Variants in TMEM207 observed in about 807,000 individuals in gnomAD.
TMEM207 encodes transmembrane protein 207, also known as SRSR846.
A neutral mutation model predicts 17.4 loss-of-function variants in TMEM207; 15 were observed. The observed-to-expected ratio is 0.86, with a 90% CI of 0.58 to 1.33. The LOEUF (loss-of-function observed/expected upper bound fraction) is 1.33. TMEM207 is among the 40% of genes most tolerant of loss of function. TMEM207 has a pLI of 0.00. For missense variants in TMEM207, 205 were observed against 173.8 expected (o/e 1.18, Z -1.01); for synonymous variants, 70 against 65.6 (o/e 1.07, Z -0.33).
chr3:190,449,455 T>A (rs1720114724), intron 1 of TMEM207, among the ~76,000 whole-genome samples: 1 of 152,170 alleles, frequency 6.6e-6, no homozygotes, highest in African/African-American at 2.4e-5. Context: ...ATTTAAAAAA[T>A]TACAGCATAG....
chr3:190,443,695 TTGTAAACAGAAACTTTTTGAGTTCCTA>T lies in TMEM207; in HGVS notation c.114-2240_114-2214del, dbSNP rs1247420729. ...TTTCCATTTCTCTCTTAAATTCAAG[TTGTAAACAGAAACTTTTTGAGTTCCTA>T]AAAAAGTAAGAGTATTCTAATTACT... On this transcript the variant is annotated intron_variant, in intron 2 of 4. Transcript: ENST00000354905. Among the ~76,000 whole-genome samples the T allele has an allele frequency of 4.6e-5, 7 of 152,226 alleles. 1 individual carries two copies. Among genetic ancestry groups the T allele is most frequent in the Non-Finnish European group, 1.0e-4 (7 of 68,042 alleles).
intron 2 of TMEM207, among the ~76,000 whole-genome samples, chr3:190,446,281 G>A (rs558362674): frequency 3.3e-5 from 5 of 152,258 alleles, no homozygotes; most frequent in African/African-American, 1.2e-4. Flanking sequence ...TATAAATATA[G>A]TTAGAGAAAG....
chr3:190,433,104 A>G (rs965159277), intron 4 of TMEM207, among the ~76,000 whole-genome samples: 5 of 152,178 alleles, frequency 3.3e-5, no homozygotes, highest in African/African-American at 9.7e-5. Flanking sequence ...TGGACAAACA[A>G]TTGTGGGGGT....
chr3:190,429,412 C>A lies in TMEM207; in HGVS notation c.*183G>T. 1.5e-6 allele frequency: 1 copy of A among 663,364 alleles called. No homozygotes were observed. The allele number at this position is 663,364 out of a possible 1,614,324, so 41.1% of individuals were successfully genotyped here. ...GACACATCAAAAGCCTGCTACTTTACTATTTAAACATCTCCATGACCAAAA... is the reference window on the plus strand; with the variant it reads ...GACACATCAAAAGCCTGCTACTTTAATATTTAAACATCTCCATGACCAAAA... On this transcript the variant is annotated 3_prime_UTR_variant, in exon 5 of 5. Transcript: ENST00000354905.
At chr3:190,435,040 T>A (rs1288311324) in intron 4 of TMEM207, among the ~76,000 whole-genome samples, 3 of 152,218 alleles carry the variant, frequency 2.0e-5, no homozygotes, top group Non-Finnish European at 4.4e-5. Context: ...CTCTGCCTTC[T>A]TGACTTTCTT....
At position 190,429,007 on chromosome 3, in the gene TMEM207, C is replaced by A. The variant is rs1577440455; in HGVS notation, c.*588G>T. ...CTCCTTCACCTTCTATCTACAATTT[C>A]TTCCTCTTCAGGTTGGGGCATAAAA... On this transcript the variant is annotated 3_prime_UTR_variant, in exon 5 of 5. Coordinates refer to ENST00000354905, the MANE Select transcript of TMEM207 (RefSeq NM_207316.3). 6.6e-6 allele frequency: 1 copy of A among 150,590 alleles called. No homozygotes were observed. The highest frequency in any genetic ancestry group is 1.9e-4 in the East Asian group (1 of 5,168). The allele number at this position is 150,590 out of a possible 1,614,324, so 9.3% of individuals were successfully genotyped here.
intron 2 of TMEM207, among the ~76,000 whole-genome samples, chr3:190,443,715 A>T (rs141762336): frequency 6.9e-4 from 105 of 152,266 alleles, no homozygotes; most frequent in African/African-American, 2.4e-3. Context: ...AAACTTTTTG[A>T]GTTCCTAAAA....
chr3:190,437,764 C>T (rs1421734786), intron 4 of TMEM207, among the ~76,000 whole-genome samples: 1 of 151,916 alleles, frequency 6.6e-6, no homozygotes, highest in Non-Finnish European at 1.5e-5. Flanking sequence ...ACCCAAAGGA[C>T]TATAAATCAT....
At chr3:190,435,134 G>A (rs371805835) in intron 4 of TMEM207, among the ~76,000 whole-genome samples, 3 of 152,024 alleles carry the variant, frequency 2.0e-5, no homozygotes, top group Non-Finnish European at 4.4e-5. Flanking sequence ...TAGTTTACTA[G>A]GGCTGTCATA....
At chr3:190,439,125 G>C (rs373225719) in intron 4 of TMEM207, among the ~76,000 whole-genome samples, 49 of 145,308 alleles carry the variant, frequency 3.4e-4, no homozygotes, top group Admixed American at 2.0e-3. Flanking sequence ...TGCAGTGAGC[G>C]GAGATCGCGC....
chr3:190,443,582 G>A (rs147944868), intron 2 of TMEM207, among the ~76,000 whole-genome samples: 24 of 152,188 alleles, frequency 1.6e-4, no homozygotes, highest in African/African-American at 5.8e-4. Context: ...AAGGTGGAGA[G>A]AGGAAGAGGG....
intron 4 of TMEM207, among the ~76,000 whole-genome samples, chr3:190,430,235 C>T (rs1025930285): frequency 1.3e-5 from 2 of 151,830 alleles, no homozygotes; most frequent in African/African-American, 4.8e-5. Flanking sequence ...TTAAAGTATA[C>T]ACACACAATA....
At chr3:190,444,249 A>T (rs1231208266) in intron 2 of TMEM207, among the ~76,000 whole-genome samples, 1 of 152,200 alleles carries the variant, frequency 6.6e-6, no homozygotes, top group African/African-American at 2.4e-5. Context: ...TCATACTATT[A>T]TAATTCTCCT....
chr3:190,440,598 C>A (rs1042301757), intron 3 of TMEM207, among the ~76,000 whole-genome samples: 11 of 152,238 alleles, frequency 7.2e-5, no homozygotes, highest in African/African-American at 2.6e-4. Context: ...GTTGATCTTT[C>A]CAGGTGGTAA....
At position 190,437,731 on chromosome 3, in the gene TMEM207, A is replaced by G. The variant is rs892884242; in HGVS notation, c.304+2513T>C. Among the ~76,000 whole-genome samples, 3 of 152,130 alleles carry G rather than the reference A, an allele frequency of 2.0e-5. No individual in the cohort carries two copies. In the South Asian group the frequency reaches 6.2e-4, roughly 32 times the overall value. On this transcript the variant is annotated intron_variant, in intron 4 of 4. Transcript: ENST00000354905. The stretch of plus-strand genomic sequence containing the variant: ...TAGAACTAGAAATACCATTTGACCC[A>G]GCCATCTCATTACTGGGTGTATACC...
chr3:190,437,373 T>C (rs1015478513), intron 4 of TMEM207, among the ~76,000 whole-genome samples: 2 of 152,238 alleles, frequency 1.3e-5, no homozygotes, highest in African/African-American at 4.8e-5. Context: ...TAAACATCTA[T>C]GCATGTATGT....
intron 4 of TMEM207, among the ~76,000 whole-genome samples, chr3:190,437,237 G>C (rs537060715): frequency 6.6e-6 from 1 of 152,318 alleles, no homozygotes; most frequent in South Asian, 2.1e-4. Flanking sequence ...AAAAGTCTAG[G>C]TGTTCAAATA....
At chr3:190,443,150 TTTTTTTTTTG>T (rs1348949335) in intron 2 of TMEM207, among the ~76,000 whole-genome samples, 8 of 130,308 alleles carry the variant, frequency 6.1e-5, no homozygotes, top group African/African-American at 2.6e-4. Flanking sequence ...AAAAGCTTTT[TTTTTTTTTTG>T]TTTTGTTTTG....
intron 3 of TMEM207, 133 bp downstream of exon 3, chr3:190,441,305 G>A (rs997274650): frequency 2.9e-6 from 2 of 683,860 alleles, no homozygotes; most frequent in Non-Finnish European, 4.9e-6. Flanking sequence ...TGAAAGTGAT[G>A]TTTCTATATT....
Sources: gnomAD v4.1 joint callset for allele counts (sites outside exome capture counted in the v4.1 genomes callset) on GRCh38, gnomAD v4.1.1 for gene constraint, MANE v1.5 for transcripts, NCBI Gene and HGNC (gene_info 2026-07-23, HGNC 2026-07-21) for gene names.